Variants in DGKQ observed in about 807,000 individuals in gnomAD.
DGKQ encodes diacylglycerol kinase theta, also known as DAG kinase theta.
DGKQ carries 97 observed loss-of-function variants against 104.2 expected under a neutral mutation model. The ratio of observed to expected loss-of-function variants is 0.93; its 90% CI spans 0.79 to 1.10. DGKQ has a LOEUF of 1.10. Among genes scored for constraint, DGKQ ranks in the 50% least tolerant of loss-of-function variants. The pLI is 0.00. For missense variants in DGKQ, 1,465 were observed against 1,352.1 expected (o/e 1.08, Z -1.31); for synonymous variants, 736 against 595.2 (o/e 1.24, Z -3.44).
At position 973,500 on chromosome 4, in the gene DGKQ, C is replaced by T; in HGVS notation, c.-18G>A. On this transcript the variant is annotated 5_prime_UTR_variant, in exon 1 of 23. Coordinates refer to ENST00000273814, the MANE Select transcript of DGKQ (RefSeq NM_001347.4). ...GCCGCCATTCCCGGCCCGAGCGGCC[C>T]GAGCCCCTTTAGGTCCGCGCCGGGG... is the stretch of plus-strand genomic sequence containing the variant. 11 of 988,518 alleles carry T rather than the reference C, an allele frequency of 1.1e-5. No homozygotes were observed. The highest frequency in any genetic ancestry group is 1.1e-5 in the Non-Finnish European group (9 of 832,880). The allele number at this position is 988,518 out of a possible 1,614,324, so 61.2% of individuals were successfully genotyped here.
rs1383147276 is a variant in DGKQ at position 967,992 on chromosome 4, C to G, written c.699G>C (p.Glu233Asp). The G allele has an allele frequency of 6.8e-7, 1 of 1,468,304 alleles. No individual in the cohort carries two copies. Among genetic ancestry groups the G allele is most frequent in the Non-Finnish European group, 8.9e-7 (1 of 1,118,972 alleles). 91.0% of individuals were successfully genotyped at this position (1,468,304 alleles called of 1,614,324 possible). ...HSLCSAALAP[E>D]CGFGRLRSLV... Reference sequence around the variant, plus strand: ...GGGAGCGCAGACGCCCGAAGCCACACTCGGGAGCCAGCGCCGCGGAGCAGA... The same window carrying G: ...GGGAGCGCAGACGCCCGAAGCCACAGTCGGGAGCCAGCGCCGCGGAGCAGA... Residue 233 changes from glutamate (E) to aspartate (D), a missense_variant, in exon 6 of 23, where the codon GAG (glutamate) becomes GAC (aspartate). Glu to Asp is a conservative substitution (Grantham distance 45). Coordinates refer to ENST00000273814, the MANE Select transcript of DGKQ (RefSeq NM_001347.4).
chr4:958,899 G>T lies in DGKQ; in HGVS notation c.*1721C>A, dbSNP rs75456209. Reference sequence around the variant, plus strand: ...GAGGAAGAGATGGTAGGATAGTGACGCCCAGACTGTATTTGTCCTGGATAT... The same window carrying T: ...GAGGAAGAGATGGTAGGATAGTGACTCCCAGACTGTATTTGTCCTGGATAT... On this transcript the variant is annotated 3_prime_UTR_variant, in exon 23 of 23. Transcript: ENST00000273814. 4,499 of 221,706 alleles carry T rather than the reference G, an allele frequency of 0.02. 211 individuals are homozygous for T. Among genetic ancestry groups the T allele is most frequent in the African/African-American group, 0.097 (4,210 of 43,300 alleles). 13.7% of individuals were successfully genotyped at this position (221,706 alleles called of 1,614,324 possible). A position where few individuals can be genotyped will look rare whatever the true frequency, so the allele number is the denominator to read the frequency against.
At chr4:968,447 C>A (rs1481052401) in intron 4 of DGKQ, 32 bp downstream of exon 4, 1 of 1,592,340 alleles carries the variant, frequency 6.3e-7, no homozygotes, top group Non-Finnish European at 8.5e-7. Context: ...CCCGCCCCAC[C>A]CCCCAGGGCT....
chr4:968,677 C>T (rs894691682), intron 3 of DGKQ, 113 bp from the exon 4 acceptor site: 5 of 1,353,012 alleles, frequency 3.7e-6, no homozygotes, highest in Non-Finnish European at 5.1e-6. Flanking sequence ...CTTTAAGTGT[C>T]CTGTGGCCTG....
rs1354009552 is a variant in DGKQ, at chr4:967,210, C to T, written c.1139G>A (p.Gly380Asp). The T allele has an allele frequency of 6.3e-7, 1 of 1,586,732 alleles. No individual in the cohort carries two copies. Among genetic ancestry groups the T allele is most frequent in the East Asian group, 2.3e-5 (1 of 43,896 alleles). Residue 380 changes from glycine (G) to aspartate (D), a missense_variant, in exon 9 of 23, where the codon GGC becomes GAC. Transcript: ENST00000273814. ...ISEEGRSPGS[G>D]EATPEAWVIR... ...GACCCAGGCCTCTGGCGTGGCCTCGCCGGACCCGGGGCTTCTGCCCTCCTC... is the reference window on the plus strand; with the variant it reads ...GACCCAGGCCTCTGGCGTGGCCTCGTCGGACCCGGGGCTTCTGCCCTCCTC...
intron 1 of DGKQ, 48 bp downstream of exon 1, chr4:973,164 G>C (rs1269445169): frequency 1.4e-6 from 2 of 1,478,894 alleles, no homozygotes; most frequent in Non-Finnish European, 1.8e-6. Context: ...CCGCCCACGG[G>C]GCAGAGGCAG....
chr4:960,463 C>A lies in DGKQ; in HGVS notation c.*157G>T. Reference sequence around the variant, plus strand: ...TGTCACCAATGGGATGAGGGCGGGTCCCGCTCCGTCACTGGGAAGATGCTG... The same window carrying A: ...TGTCACCAATGGGATGAGGGCGGGTACCGCTCCGTCACTGGGAAGATGCTG... On this transcript the variant is annotated 3_prime_UTR_variant, in exon 23 of 23. Transcript: ENST00000273814. The A allele has an allele frequency of 1.5e-6, 1 of 652,678 alleles. No individual in the cohort carries two copies. Among genetic ancestry groups the A allele is most frequent in the Non-Finnish European group, 2.7e-6 (1 of 370,024 alleles). The allele number at this position is 652,678 out of a possible 1,614,324, so 40.4% of individuals were successfully genotyped here. A position where few individuals can be genotyped will look rare whatever the true frequency, so the allele number is the denominator to read the frequency against.
In DGKQ at chr4:971,270, G is replaced by C. The variant is rs545453541; in HGVS notation, c.272-198C>G. On this transcript the variant is annotated intron_variant, in intron 1 of 22. Coordinates refer to ENST00000273814, the MANE Select transcript of DGKQ (RefSeq NM_001347.4). This position sits in a 1 kb window ranked among gnomAD's most constrained non-coding sequence, Gnocchi z 4.0. ...CCAGGAGCCCAGGAGCAAGAACCTGGGTGGTCCTGACCATCCTGGAGGACA... is the reference window on the plus strand; with the variant it reads ...CCAGGAGCCCAGGAGCAAGAACCTGCGTGGTCCTGACCATCCTGGAGGACA... 6.6e-6 allele frequency among the ~76,000 whole-genome samples: 1 copy of C among 152,124 alleles called. No individual in the cohort carries two copies. Among genetic ancestry groups the C allele is most frequent in the Non-Finnish European group, 1.5e-5 (1 of 68,012 alleles).
At chr4:961,903 C>A in intron 19 of DGKQ, 69 bp from the exon 20 acceptor site, 2 of 1,605,238 alleles carry the variant, frequency 1.2e-6, no homozygotes, top group Non-Finnish European at 1.7e-6. Context: ...CTCCGGGTTC[C>A]GGCCCCTCTG....
rs887008909 is a variant in DGKQ, at chr4:971,547, C to T, written c.272-475G>A. Among the ~76,000 whole-genome samples the T allele has an allele frequency of 3.3e-5, 5 of 152,184 alleles. No individual in the cohort carries two copies. Among genetic ancestry groups the T allele is most frequent in the Non-Finnish European group, 5.9e-5 (4 of 68,020 alleles). On this transcript the variant is annotated intron_variant, in intron 1 of 22. Transcript: ENST00000273814. The surrounding 1 kb of genome is among the most constrained non-coding windows in gnomAD (Gnocchi z 4.0). ...ACCGTGCCTGAGACCGAGAGCCACCCAAGGCAGGTGAGGGCTCTGGGAGGC... is the reference window on the plus strand; with the variant it reads ...ACCGTGCCTGAGACCGAGAGCCACCTAAGGCAGGTGAGGGCTCTGGGAGGC...
chr4:963,365 C>T (rs948443990), intron 15 of DGKQ, 75 bp from the exon 16 acceptor site: 1 of 1,412,494 alleles, frequency 7.1e-7, no homozygotes, highest in South Asian at 1.3e-5. Context: ...CCAGGCAGTG[C>T]CCAGCCCCCA....
Position 967,500 on chromosome 4 carries a change from A to G in DGKQ, c.987+49T>C, listed in dbSNP as rs779675684. 1.6e-5 allele frequency: 25 copies of G among 1,574,428 alleles called. No homozygotes were observed. In the Admixed American group the frequency reaches 3.9e-4, roughly 24 times the overall value. On this transcript the variant is annotated intron_variant, in intron 8 of 22. Transcript: ENST00000273814. ...CAGGTCAGGTGCGCCAGGTGCGGGG[A>G]CATGCGGTCCTGGGAGGGGGCTCAG...
At chr4:961,627 G>A (rs746868294) in intron 20 of DGKQ, 49 bp from the exon 21 acceptor site, 11 of 1,610,494 alleles carry the variant, frequency 6.8e-6, no homozygotes, top group Admixed American at 1.7e-5. Context: ...GGCAGGACGA[G>A]GGCTGAGCCT....
intron 3 of DGKQ, 117 bp downstream of exon 3, chr4:968,694 G>A (rs570900333): frequency 1.7e-5 from 23 of 1,352,354 alleles, no homozygotes; most frequent in South Asian, 5.4e-5. Flanking sequence ...CCTGCCAGGC[G>A]GCCAGCCCTT....
intron 2 of DGKQ, 124 bp downstream of exon 2, chr4:970,868 TG>T: frequency 3.0e-6 from 2 of 673,450 alleles, no homozygotes; most frequent in Non-Finnish European, 2.6e-6. Flanking sequence ...GAGCAGTATC[TG>T]CCCTTTGCCT....
Position 961,215 on chromosome 4 carries a change from G to A in DGKQ, c.2575-14C>T, listed in dbSNP as rs762840599. On this transcript the variant is annotated splice_polypyrimidine_tract_variant and intron_variant, in intron 21 of 22. Transcript: ENST00000273814. The stretch of plus-strand genomic sequence containing the variant: ...CTGGACCTGGCCCTGGGGCGGGAGA[G>A]GCCAGCCGGGCTCAGCGGGGATCAG... The A allele has an allele frequency of 4.6e-6, 7 of 1,532,650 alleles. No individual in the cohort carries two copies. The South Asian group carries it at 5.0e-5, about 11-fold the overall frequency. The allele number at this position is 1,532,650 out of a possible 1,614,324, so 94.9% of individuals were successfully genotyped here.
rs931855048 is a variant in DGKQ at position 961,896 on chromosome 4, C to T, written c.2316-62G>A. On this transcript the variant is annotated intron_variant, in intron 19 of 22. Coordinates refer to ENST00000273814, the MANE Select transcript of DGKQ (RefSeq NM_001347.4). ...GCCCTACCCCGCCTTAGGCAGCCTC[C>T]GGGTTCCGGCCCCTCTGCCTGTTCC... is the stretch of plus-strand genomic sequence containing the variant. 28 of 1,602,340 alleles carry T rather than the reference C, an allele frequency of 1.7e-5. No individual in the cohort carries two copies. In the African/African-American group the frequency reaches 2.3e-4, roughly 13 times the overall value.
At position 960,330 on chromosome 4, in the gene DGKQ, C is replaced by A; in HGVS notation, c.*290G>T. On this transcript the variant is annotated 3_prime_UTR_variant, in exon 23 of 23. Transcript: ENST00000273814. ...CCCTGAGGAGAGGACCAGGCCCCCA[C>A]AGGGCAGAGGGCTCACCATCCAGAG... 6.1e-6 allele frequency: 3 copies of A among 494,566 alleles called. No homozygotes were observed. Among genetic ancestry groups the A allele is most frequent in the East Asian group, 6.6e-5 (2 of 30,448 alleles). The allele number at this position is 494,566 out of a possible 1,614,324, so 30.6% of individuals were successfully genotyped here. A position where few individuals can be genotyped will look rare whatever the true frequency, so the allele number is the denominator to read the frequency against.
At chr4:968,982 A>G in intron 2 of DGKQ, 72 bp from the exon 3 acceptor site, 7 of 973,308 alleles carry the variant, frequency 7.2e-6, no homozygotes, top group Non-Finnish European at 1.1e-5. Context: ...CTCGCTCTTC[A>G]CCTGCGCAAC....
Sources: gnomAD v4.1 joint callset for allele counts (sites outside exome capture counted in the v4.1 genomes callset) on GRCh38, gnomAD v4.1.1 for gene constraint, Gnocchi (gnomAD v3.1) non-coding constraint, MANE v1.5 for transcripts, NCBI Gene and HGNC (gene_info 2026-07-23, HGNC 2026-07-21) for gene names.